The following NCBP1 variants were observed in gnomAD, a reference collection of about 807,000 sequenced individuals.
NCBP1 encodes nuclear cap-binding protein subunit 1.
In NCBP1, 16 loss-of-function variants were observed where a neutral mutation model predicts 111.7. That is an observed-to-expected ratio of 0.14 (90% CI 0.10 to 0.22). The LOEUF (loss-of-function observed/expected upper bound fraction) is 0.22, where lower values mean the gene tolerates loss of function less well. NCBP1 is among the 10% of genes least tolerant of loss of function. The pLI, the probability that NCBP1 is intolerant of heterozygous loss-of-function variation, is 1.00. For missense variants in NCBP1, 607 were observed against 957.5 expected, an observed-to-expected ratio of 0.63 and a Z score of 4.83; for synonymous variants, 304 against 314.3, an observed-to-expected ratio of 0.97 and a Z score of 0.35.
At chr9:97,654,764 G>A in intron 11 of NCBP1, 116 bp from the exon 12 acceptor site, 1 of 898,520 alleles carries the variant, frequency 1.1e-6, no homozygotes, top group South Asian at 1.5e-5. Flanking sequence ...TGTGTGAAAA[G>A]ATGTTCAGCA....
intron 1 of NCBP1, chr9:97,635,870 AAG>A (rs1350818238): frequency 6.6e-5 from 10 of 152,148 alleles, no homozygotes; most frequent in African/African-American, 2.4e-4. Flanking sequence ...GTAATCCCTA[AAG>A]AGAGAGGAAA....
At position 97,671,251 on chromosome 9, in the gene NCBP1, G is replaced by T; in HGVS notation, c.*52G>T. The stretch of plus-strand genomic sequence containing the variant: ...TTTTTTTGATATCTTAAAATAATTT[G>T]TCTTATTTTTTGATGGTTTGAATGC... On this transcript the variant is annotated 3_prime_UTR_variant, in exon 23 of 23. Coordinates refer to ENST00000375147, the MANE Select transcript of NCBP1 (RefSeq NM_002486.5). 7.5e-7 allele frequency: 1 copy of T among 1,329,474 alleles called. No homozygotes were observed. Among genetic ancestry groups the T allele is most frequent in the Non-Finnish European group, 1.1e-6 (1 of 943,298 alleles). 82.4% of individuals were successfully genotyped at this position (1,329,474 alleles called of 1,614,324 possible).
intron 11 of NCBP1, among the ~76,000 whole-genome samples, chr9:97,654,673 T>C (rs1827596603): frequency 6.6e-6 from 1 of 152,198 alleles, no homozygotes; most frequent in African/African-American, 2.4e-5. Flanking sequence ...ATTATCTTGA[T>C]TTCACGAGTG....
At chr9:97,655,044 A>G in intron 12 of NCBP1, 100 bp downstream of exon 12, 1 of 1,064,058 alleles carries the variant, frequency 9.4e-7, no homozygotes, top group East Asian at 2.8e-5. Context: ...TTCCATGTTT[A>G]GTTTTTTTCT....
intron 22 of NCBP1, chr9:97,669,911 C>G (rs1828129729): frequency 3.2e-6 from 2 of 624,656 alleles, no homozygotes; most frequent in East Asian, 5.9e-5. Context: ...TTGCCACCCC[C>G]CCAACAACCC....
intron 6 of NCBP1, among the ~76,000 whole-genome samples, chr9:97,645,959 G>A (rs564146838): frequency 1.3e-5 from 2 of 152,302 alleles, no homozygotes; most frequent in East Asian, 3.9e-4. Flanking sequence ...CTTTTAAGCT[G>A]CTTTTATATG....
chr9:97,648,258 T>A (rs898709534), intron 8 of NCBP1, 35 bp downstream of exon 8: 1 of 1,578,526 alleles, frequency 6.3e-7, no homozygotes, highest in East Asian at 2.2e-5. Flanking sequence ...GATATTGACC[T>A]GTGTTGCATT....
At chr9:97,649,716 C>T (rs1827445552) in intron 8 of NCBP1, among the ~76,000 whole-genome samples, 1 of 149,390 alleles carries the variant, frequency 6.7e-6, no homozygotes, top group South Asian at 2.1e-4. Flanking sequence ...ACATTTAAGA[C>T]TGCTAATGTT....
chr9:97,645,872 A>G, intron 6 of NCBP1, 140 bp downstream of exon 6: 3 of 1,021,098 alleles, frequency 2.9e-6, no homozygotes, highest in Non-Finnish European at 4.2e-6. Context: ...TGCTGTTTTA[A>G]CTCACTGAGA....
At position 97,673,205 on chromosome 9, in the gene NCBP1, G is replaced by A. The variant is rs1828248008; in HGVS notation, c.*2006G>A. ...GTTTGTTATTGGTAAGTCAGCAGTG[G>A]GCTATTGGTGGTTAAGTTTTGGGGG... On this transcript the variant is annotated 3_prime_UTR_variant, in exon 23 of 23. Transcript: ENST00000375147. The A allele has an allele frequency of 6.6e-6, 1 of 152,124 alleles. No individual in the cohort carries two copies. Among genetic ancestry groups the A allele is most frequent in the Non-Finnish European group, 1.5e-5 (1 of 68,040 alleles). 9.4% of individuals were successfully genotyped at this position (152,124 alleles called of 1,614,324 possible).
intron 20 of NCBP1, among the ~76,000 whole-genome samples, chr9:97,667,581 T>TA (rs1564030379): frequency 6.6e-6 from 1 of 152,100 alleles, no homozygotes; most frequent in Non-Finnish European, 1.5e-5. Flanking sequence ...AAGTGAGACA[T>TA]AGAGAAGTTA....
Position 97,633,850 on chromosome 9 carries a change from CCT to C in NCBP1, c.-28_-27del, listed in dbSNP as rs1216186635. 1 of 1,571,756 alleles carries C rather than the reference CCT, an allele frequency of 6.4e-7. No homozygotes were observed. Among genetic ancestry groups the C allele is most frequent in the African/African-American group, 1.4e-5 (1 of 73,842 alleles). On this transcript the variant is annotated 5_prime_UTR_variant, in exon 1 of 23. Coordinates refer to ENST00000375147, the MANE Select transcript of NCBP1 (RefSeq NM_002486.5). ...AGTTCCTGCAGCGCTTACCGCCTGG[CCT>C]CTCGGTTCCGCGGCGCACCGGAGGG...
At chr9:97,633,950 C>G (rs1397422842) in intron 1 of NCBP1, 35 bp downstream of exon 1, 1 of 1,563,784 alleles carries the variant, frequency 6.4e-7, no homozygotes. Context: ...GAGGCCGCTC[C>G]CGGTTGGGAG....
chr9:97,666,720 C>A, intron 19 of NCBP1, 43 bp from the exon 20 acceptor site: 2 of 1,282,324 alleles, frequency 1.6e-6, no homozygotes, highest in South Asian at 1.4e-5. Context: ...TTTTCTGTAA[C>A]CATAGCTTGA....
chr9:97,671,988 T>C lies in NCBP1; in HGVS notation c.*789T>C, dbSNP rs1297336219. 6.6e-6 allele frequency: 1 copy of C among 152,202 alleles called. No individual in the cohort carries two copies. The highest frequency in any genetic ancestry group is 2.4e-5 in the African/African-American group (1 of 41,444). The allele number at this position is 152,202 out of a possible 1,614,324, so 9.4% of individuals were successfully genotyped here. On this transcript the variant is annotated 3_prime_UTR_variant, in exon 23 of 23. Coordinates refer to ENST00000375147, the MANE Select transcript of NCBP1 (RefSeq NM_002486.5). Reference sequence around the variant, plus strand: ...TTGGGGTTATTTGTCCAAGGTCTTGTAGTGAGTTACAGAATACTAAAGTGG... The same window carrying C: ...TTGGGGTTATTTGTCCAAGGTCTTGCAGTGAGTTACAGAATACTAAAGTGG...
At chr9:97,666,515 A>C (rs1828006271) in intron 19 of NCBP1, among the ~76,000 whole-genome samples, 1 of 152,208 alleles carries the variant, frequency 6.6e-6, no homozygotes, top group Non-Finnish European at 1.5e-5. Flanking sequence ...AGGGATGGAA[A>C]TAAGAAAAAT....
chr9:97,666,037 C>T (rs890213653), intron 19 of NCBP1, among the ~76,000 whole-genome samples: 1 of 152,032 alleles, frequency 6.6e-6, no homozygotes, highest in Non-Finnish European at 1.5e-5. Context: ...GGAAGAAAAC[C>T]CATGTGTAAA....
At position 97,634,165 on chromosome 9, in the gene NCBP1, C is replaced by A. The variant is rs191115799; in HGVS notation, c.34+250C>A. ...AGGCCTGGTGAACCCCATGGGTAGA[C>A]CCTTGGTCTCTAAGGATGCTTCAGA... On this transcript the variant is annotated intron_variant, in intron 1 of 22. Coordinates refer to ENST00000375147, the MANE Select transcript of NCBP1 (RefSeq NM_002486.5). Among the ~76,000 whole-genome samples the A allele has an allele frequency of 3.3e-5, 5 of 152,350 alleles. No homozygotes were observed. In the East Asian group the frequency reaches 9.6e-4, roughly 29 times the overall value.
At position 97,658,753 on chromosome 9, in the gene NCBP1, G is replaced by T; in HGVS notation, c.1477+10G>T. 1 of 1,553,246 alleles carries T rather than the reference G, an allele frequency of 6.4e-7. No individual in the cohort carries two copies. Among genetic ancestry groups the T allele is most frequent in the Non-Finnish European group, 8.9e-7 (1 of 1,125,308 alleles). Reference sequence around the variant, plus strand: ...GGAGATGAAAGTAGCAGTAAGTAATGAAACTAATCCCTCTGTCTTTAAAAG... The same window carrying T: ...GGAGATGAAAGTAGCAGTAAGTAATTAAACTAATCCCTCTGTCTTTAAAAG... On this transcript the variant is annotated intron_variant, in intron 15 of 22. Coordinates refer to ENST00000375147, the MANE Select transcript of NCBP1 (RefSeq NM_002486.5).
Sources: allele counts gnomAD v4.1 joint callset (sites outside exome capture counted in the v4.1 genomes callset), GRCh38; gene constraint gnomAD v4.1.1; transcripts MANE v1.5; gene names NCBI Gene and HGNC (gene_info 2026-07-23, HGNC 2026-07-21).